Variants in CHRM5 observed in about 807,000 individuals in gnomAD.
The protein encoded by CHRM5 is muscarinic acetylcholine receptor M5.
CHRM5 carries 18 observed loss-of-function variants against 39.0 expected under a neutral mutation model. That is an observed-to-expected ratio of 0.46 (90% CI 0.32 to 0.68). The LOEUF is 0.68. Among genes scored for constraint, CHRM5 ranks in the 30% least tolerant of loss-of-function variants. The pLI is 0.04. For synonymous variants in CHRM5, 241 were observed against 246.3 expected, an observed-to-expected ratio of 0.98 and a Z score of 0.20; for missense variants, 515 against 651.1, an observed-to-expected ratio of 0.79 and a Z score of 2.28.
chr15:34,004,271 T>A (rs911638895), intron 1 of CHRM5, among the ~76,000 whole-genome samples: 1 of 152,188 alleles, frequency 6.6e-6, no homozygotes, highest in African/African-American at 2.4e-5. Flanking sequence ...GAGAACAGTT[T>A]CCAGTATTGG....
rs781316039 is a variant in CHRM5, at chr15:34,038,995, C to A, written c.-407-7545C>A. 8 of 1,118,356 alleles carry A rather than the reference C, an allele frequency of 7.2e-6. No individual in the cohort carries two copies. The South Asian group carries it at 1.1e-4, about 16-fold the overall frequency. 69.3% of individuals were successfully genotyped at this position (1,118,356 alleles called of 1,614,324 possible). Reference sequence around the variant, plus strand: ...CTGTGGCGATCTCCGCCAGGCCGGCCGCGGCCTGGCCGCCGCCCACGGCCT... The same window carrying A: ...CTGTGGCGATCTCCGCCAGGCCGGCAGCGGCCTGGCCGCCGCCCACGGCCT... On this transcript the variant is annotated intron_variant, in intron 1 of 2. Coordinates refer to ENST00000383263, the MANE Select transcript of CHRM5 (RefSeq NM_012125.4).
chr15:33,997,320 A>C (rs1324189948), intron 1 of CHRM5, among the ~76,000 whole-genome samples: 2 of 152,134 alleles, frequency 1.3e-5, no homozygotes, highest in African/African-American at 2.4e-5. Context: ...TTTAACCCAC[A>C]AATCAATAAG....
intron 2 of CHRM5, among the ~76,000 whole-genome samples, chr15:34,053,315 A>ATAT (rs1288903070): frequency 1.2e-3 from 109 of 87,244 alleles, no homozygotes; most frequent in South Asian, 2.0e-3. Flanking sequence ...AAAAAAAAAA[A>ATAT]AAAAATATAT....
intron 1 of CHRM5, among the ~76,000 whole-genome samples, chr15:34,038,565 C>A (rs1161681163): frequency 6.6e-6 from 1 of 151,772 alleles, no homozygotes; most frequent in African/African-American, 2.4e-5. Context: ...CGCGCCAGCC[C>A]GGCCAGGAGG....
chr15:34,038,332 A>G (rs947172863), intron 1 of CHRM5, among the ~76,000 whole-genome samples: 2 of 152,188 alleles, frequency 1.3e-5, no homozygotes, highest in Non-Finnish European at 2.9e-5. Context: ...AGTTAACAAA[A>G]CAGACCAAAA....
chr15:33,971,510 G>C (rs1895636951), intron 1 of CHRM5, among the ~76,000 whole-genome samples: 2 of 151,990 alleles, frequency 1.3e-5, no homozygotes, highest in African/African-American at 2.4e-5. Flanking sequence ...TCCATTTCGT[G>C]TATGTTGACA....
At chr15:34,003,050 C>T in intron 1 of CHRM5, 1 of 1,613,740 alleles carries the variant, frequency 6.2e-7, no homozygotes, top group Non-Finnish European at 8.5e-7. Flanking sequence ...CTAAGGAGGA[C>T]ACTGAAATCT....
intron 1 of CHRM5, among the ~76,000 whole-genome samples, chr15:33,996,519 T>C (rs1230362248): frequency 6.6e-6 from 1 of 152,166 alleles, no homozygotes; most frequent in Non-Finnish European, 1.5e-5. Context: ...TGTCCTGCAA[T>C]ATTTGCTGTT....
intron 1 of CHRM5, among the ~76,000 whole-genome samples, chr15:34,011,719 C>A (rs891662894): frequency 1.3e-5 from 2 of 152,198 alleles, no homozygotes; most frequent in Non-Finnish European, 2.9e-5. Flanking sequence ...TTCCATCTCT[C>A]TCTTTCCCTA....
intron 2 of CHRM5, among the ~76,000 whole-genome samples, chr15:34,062,045 A>C (rs1251193686): frequency 1.3e-5 from 2 of 152,110 alleles, no homozygotes; most frequent in East Asian, 3.9e-4. Context: ...GCTTCTCAAC[A>C]ATCCATTTTT....
At chr15:33,979,572 T>C (rs1896044756) in intron 1 of CHRM5, among the ~76,000 whole-genome samples, 1 of 152,340 alleles carries the variant, frequency 6.6e-6, no homozygotes, top group South Asian at 2.1e-4. Flanking sequence ...CAAATACTTG[T>C]ATGGCCTTAA....
chr15:33,993,765 G>C (rs77849105), intron 1 of CHRM5, among the ~76,000 whole-genome samples: 17 of 152,054 alleles, frequency 1.1e-4, no homozygotes, highest in African/African-American at 4.1e-4. Flanking sequence ...AGAGGTGACC[G>C]CAATCATGAT....
At chr15:33,977,657 G>C (rs905248028) in intron 1 of CHRM5, among the ~76,000 whole-genome samples, 9 of 152,098 alleles carry the variant, frequency 5.9e-5, no homozygotes, top group Non-Finnish European at 1.2e-4. Context: ...TTTGAACCTT[G>C]AAATTCTGAC....
intron 1 of CHRM5, among the ~76,000 whole-genome samples, chr15:34,025,063 G>C (rs547479506): frequency 1.3e-5 from 2 of 150,262 alleles, no homozygotes; most frequent in South Asian, 4.3e-4. Flanking sequence ...CCAGCTACTT[G>C]GGAGGCTGAG....
At chr15:34,002,385 T>C (rs1367684561) in intron 1 of CHRM5, among the ~76,000 whole-genome samples, 1 of 151,864 alleles carries the variant, frequency 6.6e-6, no homozygotes, top group East Asian at 1.9e-4. Flanking sequence ...TTTAAACTCT[T>C]ACGCCACACC....
intron 1 of CHRM5, among the ~76,000 whole-genome samples, chr15:33,992,262 C>T (rs113400534): frequency 6.6e-6 from 1 of 152,126 alleles, no homozygotes; most frequent in Non-Finnish European, 1.5e-5. Flanking sequence ...TGGTGGCGGG[C>T]ACCTGTAGTC....
intron 1 of CHRM5, among the ~76,000 whole-genome samples, chr15:34,011,363 T>C (rs1897629364): frequency 6.6e-6 from 1 of 152,144 alleles, no homozygotes; most frequent in Non-Finnish European, 1.5e-5. Context: ...TTAAATAAAA[T>C]ATATGTTGTA....
intron 1 of CHRM5, among the ~76,000 whole-genome samples, chr15:34,037,053 A>G (rs1899163753): frequency 6.6e-6 from 1 of 151,918 alleles, no homozygotes. Context: ...AGGTTGCAGC[A>G]AGCCAAGATC....
chr15:34,026,431 T>C (rs56167847), intron 1 of CHRM5, among the ~76,000 whole-genome samples: 3,321 of 152,240 alleles, frequency 0.022, 116 homozygotes, highest in African/African-American at 0.074. Flanking sequence ...CACGGATTAA[T>C]TTTGATGACA....
Sources: allele counts gnomAD v4.1 joint callset (sites outside exome capture counted in the v4.1 genomes callset), GRCh38; gene constraint gnomAD v4.1.1; transcripts MANE v1.5; gene names NCBI Gene and HGNC (gene_info 2026-07-23, HGNC 2026-07-21).